The following PARS2 variants were observed in gnomAD, a reference collection of about 807,000 sequenced individuals.
PARS2 encodes the protein prolyl-tRNA synthetase 2, mitochondrial.
In PARS2, 20 loss-of-function variants were observed where a neutral mutation model predicts 27.4. The ratio of observed to expected loss-of-function variants is 0.73; its 90% CI spans 0.51 to 1.06. The LOEUF (loss-of-function observed/expected upper bound fraction) is 1.06, where lower values mean the gene tolerates loss of function less well. Ranked by LOEUF, PARS2 falls within the 50% of genes least tolerant of loss-of-function variation. The pLI, the probability that PARS2 is intolerant of heterozygous loss-of-function variation, is 0.00. For synonymous variants in PARS2, 240 were observed against 247.1 expected (o/e 0.97, Z 0.27); for missense variants, 585 against 602.1 (o/e 0.97, Z 0.30).
rs1646140088 is a variant in PARS2, at chr1:54,759,141, T to C, written c.21A>G (p.Arg7=). 42 of 1,595,686 alleles carry C rather than the reference T, an allele frequency of 2.6e-5. No homozygotes were observed. The highest frequency in any genetic ancestry group is 3.5e-5 in the Non-Finnish European group (41 of 1,166,958). MEGLLT[R]CRALPALATC... is the part of the protein sequence containing the mutation. ...TGGCCAGGGCGGGCAATGCTCTGCA[T>C]CTTGTCAGCAGCCCTTCCATGACAC... Residue 7 remains arginine, a synonymous_variant, in exon 2 of 2, where the codon AGA becomes AGG. Coordinates refer to ENST00000371279, the MANE Select transcript of PARS2 (RefSeq NM_152268.4).
Position 54,758,086 on chromosome 1 carries a change from T to C in PARS2, c.1076A>G (p.Asp359Gly). 1.9e-6 allele frequency: 3 copies of C among 1,613,932 alleles called. No individual in the cohort carries two copies. The highest frequency in any genetic ancestry group is 1.7e-6 in the Non-Finnish European group (2 of 1,179,908). Residue 359 changes from aspartate to glycine, a missense_variant, in exon 2 of 2, where the codon GAC becomes GGC. Asp to Gly is a moderately conservative substitution (Grantham distance 94). Transcript: ENST00000371279. ...CAGTAGGCTGGGCCAGCGGACACAG[T>C]CTTCTGTAGAGAGGACTTCAATGGC... ...AAAIEVLSTE[D>G]CVRWPSLLAP...
chr1:54,759,098 A>G lies in PARS2; in HGVS notation c.64T>C (p.Ser22Pro). 2 of 1,612,512 alleles carry G rather than the reference A, an allele frequency of 1.2e-6. No individual in the cohort carries two copies. The highest frequency in any genetic ancestry group is 1.7e-6 in the Non-Finnish European group (2 of 1,178,778). Residue 22 changes from serine to proline, a missense_variant, in exon 2 of 2, where the codon TCT (serine) becomes CCT (proline). Ser to Pro is a moderately conservative substitution (Grantham distance 74). Coordinates refer to ENST00000371279, the MANE Select transcript of PARS2 (RefSeq NM_152268.4). ...PALATCSRQLSGYVPCRFHHC... is the reference protein window; with the variant it reads ...PALATCSRQLPGYVPCRFHHC... ...TGAAACCTGCAAGGAACATACCCAG[A>G]GAGCTGGCGGCTGCAGGTGGCCAGG...
chr1:54,758,063 G>A lies in PARS2; in HGVS notation c.1099C>T (p.Leu367=). The A allele has an allele frequency of 6.2e-7, 1 of 1,613,956 alleles. No individual in the cohort carries two copies. The highest frequency in any genetic ancestry group is 8.5e-7 in the Non-Finnish European group (1 of 1,179,914). Residue 367 remains leucine (L), a synonymous_variant, in exon 2 of 2, where the codon CTG becomes TTG. Coordinates refer to ENST00000371279, the MANE Select transcript of PARS2 (RefSeq NM_152268.4). ...ATGAGGCAGGCTTGGTAAGGGGCCA[G>A]TAGGCTGGGCCAGCGGACACAGTCT... ...TEDCVRWPSL[L]APYQACLIPP...
At position 54,757,766 on chromosome 1, in the gene PARS2, T is replaced by A; in HGVS notation, c.1396A>T (p.Met466Leu). The stretch of plus-strand genomic sequence containing the variant: ...GTCTGCACTGGGGTCAGTAAATCCA[T>A]GACTCCATCTTTGGTGAGGAAGGCC... ...EVAFLTKDGVMDLLTPVQTV is the reference protein window; with the variant it reads ...EVAFLTKDGVLDLLTPVQTV The change falls in exon 2 of 2, where the codon ATG (methionine) becomes TTG (leucine). Residue 466 changes from methionine (M) to leucine (L), a missense_variant. Met to Leu is a conservative substitution (Grantham distance 15). Transcript: ENST00000371279. 1 of 1,613,262 alleles carries A rather than the reference T, an allele frequency of 6.2e-7. No individual in the cohort carries two copies. Among genetic ancestry groups the A allele is most frequent in the Admixed American group, 1.7e-5 (1 of 59,954 alleles).
chr1:54,757,880 A>T lies in PARS2; in HGVS notation c.1282T>A (p.Phe428Ile). The change falls in exon 2 of 2, where the codon TTT (phenylalanine) becomes ATT (isoleucine). Residue 428 changes from phenylalanine to isoleucine, a missense_variant. Transcript: ENST00000371279. ...GCGATTATCACAAAGGGGTAGCCAA[A>T]CTTGTTGGCATCTTTCAGTCTGTTT... The part of the protein sequence containing the change: ...IGNRLKDANK[F>I]GYPFVIIAGK... 6.2e-7 allele frequency: 1 copy of T among 1,614,144 alleles called. No individual in the cohort carries two copies. The highest frequency in any genetic ancestry group is 8.5e-7 in the Non-Finnish European group (1 of 1,180,026).
In PARS2 at chr1:54,758,503, T is replaced by C. The variant is rs550757432; in HGVS notation, c.659A>G (p.Gln220Arg). 2 of 1,614,170 alleles carry C rather than the reference T, an allele frequency of 1.2e-6. No individual in the cohort carries two copies. Among genetic ancestry groups the C allele is most frequent in the East Asian group, 2.2e-5 (1 of 44,874 alleles). Residue 220 changes from glutamine to arginine, a missense_variant, in exon 2 of 2, where the codon CAG becomes CGG. Physicochemically the swap from Gln to Arg is conservative, Grantham distance 43. Coordinates refer to ENST00000371279, the MANE Select transcript of PARS2 (RefSeq NM_152268.4). Reference protein sequence around the residue: ...YTFDSSPEAAQQTYSLVCDAY... With the variant: ...YTFDSSPEAARQTYSLVCDAY... Reference sequence around the variant, plus strand: ...ATCACACACCAGGCTGTAGGTCTGCTGGGCAGCCTCTGGGGAGGAGTCAAA... The same window carrying C: ...ATCACACACCAGGCTGTAGGTCTGCCGGGCAGCCTCTGGGGAGGAGTCAAA...
chr1:54,757,699 G>A lies in PARS2; in HGVS notation c.*35C>T, dbSNP rs769594807. 6.2e-6 allele frequency: 9 copies of A among 1,441,458 alleles called. No homozygotes were observed. The highest frequency in any genetic ancestry group is 7.7e-6 in the Non-Finnish European group (8 of 1,042,480). 89.3% of individuals were successfully genotyped at this position (1,441,458 alleles called of 1,614,324 possible). A position where few individuals can be genotyped will look rare whatever the true frequency, so the allele number is the denominator to read the frequency against. Reference sequence around the variant, plus strand: ...AATGCAGTGTTAGAACGAACACCAAGGCTGCAAATGGGGGCAGGGGTGGGC... The same window carrying A: ...AATGCAGTGTTAGAACGAACACCAAAGCTGCAAATGGGGGCAGGGGTGGGC... On this transcript the variant is annotated 3_prime_UTR_variant, in exon 2 of 2. Transcript: ENST00000371279.
chr1:54,758,945 G>A lies in PARS2; in HGVS notation c.217C>T (p.Leu73=). 6.2e-7 allele frequency: 1 copy of A among 1,614,058 alleles called. No homozygotes were observed. The highest frequency in any genetic ancestry group is 8.5e-7 in the Non-Finnish European group (1 of 1,179,920). The change falls in exon 2 of 2, where the codon CTG becomes TTG. Residue 73 remains leucine (L), a synonymous_variant. Transcript: ENST00000371279. ...TAGATCAGGCCCACCTGCAGCATCA[G>A]CCGCTGGCTCTTACAGGTCAGGTCA... ...SDDLTCKSQR[L]MLQVGLIYPA...
intron 1 of PARS2, among the ~76,000 whole-genome samples, chr1:54,763,601 A>G (rs1293451738): frequency 6.6e-6 from 1 of 152,224 alleles, no homozygotes; most frequent in Non-Finnish European, 1.5e-5. Flanking sequence ...GTCTGTCCTC[A>G]GACCCCTCAG....
chr1:54,758,844 G>A lies in PARS2; in HGVS notation c.318C>T (p.Asp106=). Residue 106 remains aspartate, a synonymous_variant, in exon 2 of 2, where the codon GAC becomes GAT. Coordinates refer to ENST00000371279, the MANE Select transcript of PARS2 (RefSeq NM_152268.4). Reference sequence around the variant, plus strand: ...GGCCCCCGATGGCCTGCATCTCCTGGTCTATCACTCGCACGAGCTTCTCCA... The same window carrying A: ...GGCCCCCGATGGCCTGCATCTCCTGATCTATCACTCGCACGAGCTTCTCCA... ...RAMEKLVRVI[D]QEMQAIGGQK... 4 of 1,614,194 alleles carry A rather than the reference G, an allele frequency of 2.5e-6. No individual in the cohort carries two copies. Among genetic ancestry groups the A allele is most frequent in the Non-Finnish European group, 3.4e-6 (4 of 1,180,042 alleles).
intron 1 of PARS2, among the ~76,000 whole-genome samples, chr1:54,763,709 T>C (rs921977028): frequency 6.0e-4 from 91 of 152,228 alleles, no homozygotes; most frequent in African/African-American, 2.0e-3. Context: ...AAACAGCCTC[T>C]GAGACATTCA....
chr1:54,758,875 C>A lies in PARS2; in HGVS notation c.287G>T (p.Arg96Leu). ...GCYHLLPYTV[R>L]AMEKLVRVID... is the part of the protein sequence containing the mutation. ...CACTCGCACGAGCTTCTCCATGGCA[C>A]GGACGGTATATGGCAGGAGGTGGTA... Residue 96 changes from arginine (R) to leucine (L), a missense_variant, in exon 2 of 2, where the codon CGT becomes CTT. Physicochemically the swap from Arg to Leu is moderately radical, Grantham distance 102. Transcript: ENST00000371279. 6.2e-7 allele frequency: 1 copy of A among 1,614,176 alleles called. No individual in the cohort carries two copies. Among genetic ancestry groups the A allele is most frequent in the Non-Finnish European group, 8.5e-7 (1 of 1,180,042 alleles).
In PARS2 at chr1:54,758,947, C is replaced by A. The variant is rs774799392; in HGVS notation, c.215G>T (p.Arg72Leu). ...KSDDLTCKSQ[R>L]LMLQVGLIYP... ...GATCAGGCCCACCTGCAGCATCAGC[C>A]GCTGGCTCTTACAGGTCAGGTCATC... The change falls in exon 2 of 2, where the codon CGG (arginine) becomes CTG (leucine). Residue 72 changes from arginine to leucine, a missense_variant. By Grantham distance (102) the Arg-to-Leu change is moderately radical. Transcript: ENST00000371279. 1 of 1,614,006 alleles carries A rather than the reference C, an allele frequency of 6.2e-7. No individual in the cohort carries two copies. The highest frequency in any genetic ancestry group is 8.5e-7 in the Non-Finnish European group (1 of 1,179,904).
In PARS2 at chr1:54,757,954, T is replaced by C. The variant is rs1460661421; in HGVS notation, c.1208A>G (p.Gln403Arg). 2 of 1,614,136 alleles carry C rather than the reference T, an allele frequency of 1.2e-6. No individual in the cohort carries two copies. The highest frequency in any genetic ancestry group is 1.7e-6 in the Non-Finnish European group (2 of 1,179,998). Residue 403 changes from glutamine to arginine, a missense_variant, in exon 2 of 2, where the codon CAG becomes CGG. Coordinates refer to ENST00000371279, the MANE Select transcript of PARS2 (RefSeq NM_152268.4). ...GTCCAGGAGCACCTCCCCGTGAAGCTGAGGCACTGCCTCTGTGATGTGGTC... is the reference window on the plus strand; with the variant it reads ...GTCCAGGAGCACCTCCCCGTGAAGCCGAGGCACTGCCTCTGTGATGTGGTC... ...LYDHITEAVP[Q>R]LHGEVLLDDR... is the part of the protein sequence containing the mutation.
chr1:54,757,690 G>A lies in PARS2; in HGVS notation c.*44C>T, dbSNP rs111603746. The A allele has an allele frequency of 1.0e-5, 14 of 1,365,278 alleles. 1 individual carries two copies. Among genetic ancestry groups the A allele is most frequent in the African/African-American group, 5.7e-5 (4 of 69,616 alleles). The allele number at this position is 1,365,278 out of a possible 1,614,324, so 84.6% of individuals were successfully genotyped here. A position where few individuals can be genotyped will look rare whatever the true frequency, so the allele number is the denominator to read the frequency against. ...GTGTAGGAAAATGCAGTGTTAGAAC[G>A]AACACCAAGGCTGCAAATGGGGGCA... On this transcript the variant is annotated 3_prime_UTR_variant, in exon 2 of 2. Transcript: ENST00000371279.
At chr1:54,760,184 C>T (rs1291393357) in intron 1 of PARS2, among the ~76,000 whole-genome samples, 1 of 152,130 alleles carries the variant, frequency 6.6e-6, no homozygotes, top group Non-Finnish European at 1.5e-5. Flanking sequence ...ACAGCACACA[C>T]TCCCTGGACA....
At position 54,756,911 on chromosome 1, in the gene PARS2, A is replaced by T. The variant is rs1316825799; in HGVS notation, c.*823T>A. The T allele has an allele frequency of 6.6e-6, 1 of 152,050 alleles. No individual in the cohort carries two copies. The highest frequency in any genetic ancestry group is 1.5e-5 in the Non-Finnish European group (1 of 67,994). 9.4% of individuals were successfully genotyped at this position (152,050 alleles called of 1,614,324 possible). On this transcript the variant is annotated 3_prime_UTR_variant, in exon 2 of 2. Transcript: ENST00000371279. ...GTGCAAGGCCCATTCCAATAGTTTG[A>T]CTTTATTAAATCAATAGAACGGGAT... is the stretch of plus-strand genomic sequence containing the variant.
rs544895650 is a variant in PARS2, at chr1:54,757,534, AG to A, written c.*199del. 1.1e-3 allele frequency: 602 copies of A among 540,090 alleles called. 5 individuals carry two copies. Among genetic ancestry groups the A allele is most frequent in the African/African-American group, 8.1e-3 (428 of 52,724 alleles). 33.5% of individuals were successfully genotyped at this position (540,090 alleles called of 1,614,324 possible). A position where few individuals can be genotyped will look rare whatever the true frequency, so the allele number is the denominator to read the frequency against. ...GTATATGGCGGCATGGCCAGTCTGGAGAAAGGGATCAAGTTAATGACTTTAA... is the reference window on the plus strand; with the variant it reads ...GTATATGGCGGCATGGCCAGTCTGGAAAAGGGATCAAGTTAATGACTTTAA... On this transcript the variant is annotated 3_prime_UTR_variant, in exon 2 of 2. Coordinates refer to ENST00000371279, the MANE Select transcript of PARS2 (RefSeq NM_152268.4).
intron 1 of PARS2, among the ~76,000 whole-genome samples, chr1:54,762,146 T>A (rs1646161512): frequency 6.6e-6 from 1 of 151,562 alleles, no homozygotes; most frequent in Non-Finnish European, 1.5e-5. Context: ...GTTTTTTTTT[T>A]TTTTTTTTTA....
Sources: allele counts gnomAD v4.1 joint callset (sites outside exome capture counted in the v4.1 genomes callset), GRCh38; gene constraint gnomAD v4.1.1; transcripts MANE v1.5; gene names NCBI Gene and HGNC (gene_info 2026-07-23, HGNC 2026-07-21).